The following NAALADL2 variants were observed in gnomAD, a reference collection of about 807,000 sequenced individuals.
NAALADL2 encodes the protein inactive N-acetylated-alpha-linked acidic dipeptidase-like protein 2.
NAALADL2 carries 76 observed loss-of-function variants against 87.2 expected under a neutral mutation model. The observed-to-expected ratio is 0.87, with a 90% CI of 0.72 to 1.05. NAALADL2 has a LOEUF of 1.05. Ranked by LOEUF, NAALADL2 falls within the 50% of genes least tolerant of loss-of-function variation. NAALADL2 has a pLI of 0.00. For missense variants in NAALADL2, 1,089 were observed against 945.8 expected (o/e 1.15, Z -1.99); for synonymous variants, 354 against 331.0 (o/e 1.07, Z -0.75).
At chr3:175,418,086 A>C (rs1714986803) in intron 5 of NAALADL2, among the ~76,000 whole-genome samples, 1 of 152,140 alleles carries the variant, frequency 6.6e-6, no homozygotes, top group Non-Finnish European at 1.5e-5. Flanking sequence ...GGAAATCAAA[A>C]AAGGAGAGCT....
intron 9 of NAALADL2, among the ~76,000 whole-genome samples, chr3:175,492,407 T>C (rs556445247): frequency 3.3e-5 from 5 of 152,294 alleles, no homozygotes; most frequent in Admixed American, 3.3e-4. Flanking sequence ...GTCCTTAAAG[T>C]ATCTTAGAAA....
At chr3:175,427,927 C>G (rs747975255) in intron 5 of NAALADL2, among the ~76,000 whole-genome samples, 1 of 152,058 alleles carries the variant, frequency 6.6e-6, no homozygotes, top group Non-Finnish European at 1.5e-5. Flanking sequence ...ACATATAATG[C>G]CTGTTTCTTT....
chr3:174,588,310 C>T (rs1427330752), intron 2 of NAALADL2, among the ~76,000 whole-genome samples: 2 of 152,048 alleles, frequency 1.3e-5, no homozygotes, highest in Admixed American at 6.6e-5. Context: ...GTGATGGGTT[C>T]GAACATCCTC....
At position 175,028,666 on chromosome 3, in the gene NAALADL2, A is replaced by G. The variant is rs367907979; in HGVS notation, c.44-68124A>G. On this transcript the variant is annotated intron_variant, in intron 1 of 13. Coordinates refer to ENST00000454872, the MANE Select transcript of NAALADL2 (RefSeq NM_207015.3). ...GAGTATCTTTTAAATTTACCAAATC[A>G]ATGTTGATAATATTTTCTAACTAGT... is the stretch of plus-strand genomic sequence containing the variant. 3.5e-3 allele frequency among the ~76,000 whole-genome samples: 529 copies of G among 152,138 alleles called. 3 individuals carry two copies. The highest frequency in any genetic ancestry group is 9.9e-3 in the African/African-American group (412 of 41,560).
chr3:175,199,240 C>T (rs1739448728), intron 2 of NAALADL2, among the ~76,000 whole-genome samples: 1 of 152,108 alleles, frequency 6.6e-6, no homozygotes, highest in Non-Finnish European at 1.5e-5. Context: ...GCTGTTCTCT[C>T]TGGATTTATG....
At chr3:175,794,040 T>C (rs999518921) in intron 13 of NAALADL2, among the ~76,000 whole-genome samples, 4 of 152,212 alleles carry the variant, frequency 2.6e-5, no homozygotes, top group African/African-American at 9.6e-5. Context: ...ACCTATTTTG[T>C]TTCGTTTTGT....
At chr3:175,366,545 G>A (rs913898996) in intron 5 of NAALADL2, among the ~76,000 whole-genome samples, 14 of 151,772 alleles carry the variant, frequency 9.2e-5, no homozygotes, top group African/African-American at 3.4e-4. Context: ...TTTAATGGTT[G>A]TCATTCTAAC....
chr3:175,237,825 G>T (rs1292606846), intron 3 of NAALADL2, among the ~76,000 whole-genome samples: 2 of 152,048 alleles, frequency 1.3e-5, no homozygotes, highest in African/African-American at 4.8e-5. Flanking sequence ...CAGCATATGG[G>T]ACAATTGGGA....
Position 175,465,473 on chromosome 3 carries a change from C to CTTT in NAALADL2, c.1328-1489_1328-1487dup, listed in dbSNP as rs71164634. 1.2e-3 allele frequency among the ~76,000 whole-genome samples: 126 copies of CTTT among 106,728 alleles called. 7 individuals are homozygous for CTTT. Among genetic ancestry groups the CTTT allele is most frequent in the African/African-American group, 4.5e-3 (119 of 26,440 alleles). 70.0% of individuals were successfully genotyped at this position (106,728 alleles called of 152,430 possible). On this transcript the variant is annotated intron_variant, in intron 7 of 13. Transcript: ENST00000454872. ...ACACTATGTATACCATGAATTAAAT[C>CTTT]TTTTTTTTTTTTTTTTTTTGAGATG... is the stretch of plus-strand genomic sequence containing the variant.
intron 11 of NAALADL2, among the ~76,000 whole-genome samples, chr3:175,650,057 C>CA (rs11458935): frequency 0.55 from 65,988 of 120,272 alleles, 17,751 homozygotes; most frequent in Non-Finnish European, 0.61. Context: ...AACCCCACAC[C>CA]AAAAAAAAAA....
At chr3:175,193,775 A>T (rs962538195) in intron 2 of NAALADL2, among the ~76,000 whole-genome samples, 17 of 152,020 alleles carry the variant, frequency 1.1e-4, no homozygotes, top group Non-Finnish European at 1.6e-4. Context: ...ATTTCAAACT[A>T]GAACAGGTGT....
rs199956982 is a variant in NAALADL2 at position 175,467,025 on chromosome 3, T to C, written c.1374T>C (p.Tyr458=). The C allele has an allele frequency of 3.1e-5, 50 of 1,613,880 alleles. No individual in the cohort carries two copies. The highest frequency in any genetic ancestry group is 4.2e-5 in the Non-Finnish European group (50 of 1,179,804). The change falls in exon 8 of 14, where the codon TAT becomes TAC. Residue 458 remains tyrosine, a synonymous_variant. Coordinates refer to ENST00000454872, the MANE Select transcript of NAALADL2 (RefSeq NM_207015.3). ...GCCATCATCACACTGCACACAGTTATAATGGACAAGAATGGGCCAGTAGTA... is the reference window on the plus strand; with the variant it reads ...GCCATCATCACACTGCACACAGTTACAATGGACAAGAATGGGCCAGTAGTA... ...VGSHHHTAHS[Y]NGQEWASSTA...
chr3:175,458,153 C>A (rs1197713720), intron 6 of NAALADL2, among the ~76,000 whole-genome samples: 2 of 151,872 alleles, frequency 1.3e-5, no homozygotes, highest in Non-Finnish European at 2.9e-5. Context: ...TGTTATCAGC[C>A]AATTCTCCAG....
At chr3:175,126,106 G>A (rs1281973354) in intron 2 of NAALADL2, among the ~76,000 whole-genome samples, 16 of 152,100 alleles carry the variant, frequency 1.1e-4, no homozygotes. Flanking sequence ...CAAAGTGAGT[G>A]TATGTGTATG....
chr3:174,645,075 C>T (rs1408101194), intron 2 of NAALADL2, among the ~76,000 whole-genome samples: 1 of 152,074 alleles, frequency 6.6e-6, no homozygotes, highest in African/African-American at 2.4e-5. Context: ...AAGGGCAGCC[C>T]TTGGCCATTT....
intron 1 of NAALADL2, among the ~76,000 whole-genome samples, chr3:174,876,563 T>C (rs542966208): frequency 6.6e-6 from 1 of 152,316 alleles, no homozygotes; most frequent in African/African-American, 2.4e-5. Flanking sequence ...AAAATATTAC[T>C]GGATGACAAC....
chr3:175,552,727 A>G (rs1023311793), intron 9 of NAALADL2, among the ~76,000 whole-genome samples: 3 of 152,098 alleles, frequency 2.0e-5, no homozygotes, highest in Non-Finnish European at 2.9e-5. Context: ...GTATTTTTAT[A>G]TCATTTTATT....
At chr3:175,659,908 T>C (rs1732016042) in intron 11 of NAALADL2, among the ~76,000 whole-genome samples, 1 of 152,202 alleles carries the variant, frequency 6.6e-6, no homozygotes, top group African/African-American at 2.4e-5. Context: ...TGCCTCAGTC[T>C]GTTCAGGCTG....
chr3:175,056,292 T>G (rs1712152217), intron 1 of NAALADL2, among the ~76,000 whole-genome samples: 1 of 152,196 alleles, frequency 6.6e-6, no homozygotes, highest in Non-Finnish European at 1.5e-5. Context: ...CTCTCCTTCC[T>G]TCTTATCATT....
Sources: allele counts gnomAD v4.1 joint callset (sites outside exome capture counted in the v4.1 genomes callset), GRCh38; gene constraint gnomAD v4.1.1; transcripts MANE v1.5; gene names NCBI Gene and HGNC (gene_info 2026-07-23, HGNC 2026-07-21).